The following SCGB2B2 variants were observed in gnomAD, a reference collection of about 807,000 sequenced individuals.
SCGB2B2 encodes secretoglobin-like protein.
In SCGB2B2, 11 loss-of-function variants were observed where a neutral mutation model predicts 7.6. That is an observed-to-expected ratio of 1.45 (90% CI 0.91 to 2.40). The LOEUF is 2.40. Ranked by LOEUF, SCGB2B2 falls within the 30% of genes most tolerant of loss-of-function variation. The probability of loss-of-function intolerance (pLI) is 0.00; values close to 1 mark genes in which losing one functional copy is unlikely to be tolerated. For synonymous variants in SCGB2B2, 50 were observed against 48.6 expected (o/e 1.03, Z -0.12); for missense variants, 104 against 115.4 (o/e 0.90, Z 0.45).
intron 1 of SCGB2B2, among the ~76,000 whole-genome samples, chr19:34,602,929 T>C (rs571669083): frequency 6.6e-6 from 1 of 152,328 alleles, no homozygotes; most frequent in South Asian, 2.1e-4. Context: ...GAATGAACCA[T>C]CATTTTTTAT....
At chr19:34,586,492 AT>A, downstream of SCGB2B2, among the ~76,000 whole-genome samples, 1 of 152,240 alleles carries the variant, frequency 6.6e-6, no homozygotes, top group South Asian at 2.1e-4. Flanking sequence ...GTATAGATTA[AT>A]TTGCTTCATG....
chr19:34,642,493 C>G (rs749262076), intron 1 of SCGB2B2, among the ~76,000 whole-genome samples: 1 of 151,956 alleles, frequency 6.6e-6, no homozygotes, highest in Middle Eastern at 3.2e-3. Context: ...AGGCAGGTGA[C>G]TCACGAGGTC....
chr19:34,587,297 G>A (rs1257845678), downstream of SCGB2B2, among the ~76,000 whole-genome samples: 1 of 152,120 alleles, frequency 6.6e-6, no homozygotes, highest in African/African-American at 2.4e-5. Context: ...GGTATCAAGT[G>A]TCATTACACT....
chr19:34,630,526 C>T (rs182828518), intron 1 of SCGB2B2, among the ~76,000 whole-genome samples: 20 of 152,100 alleles, frequency 1.3e-4, no homozygotes, highest in East Asian at 1.2e-3. Context: ...CTCACCATCA[C>T]TGGCCATCAG....
chr19:34,642,354 T>C (rs1391000352), intron 1 of SCGB2B2, among the ~76,000 whole-genome samples: 1 of 152,082 alleles, frequency 6.6e-6, no homozygotes, highest in East Asian at 1.9e-4. Flanking sequence ...ATGGCACATA[T>C]GTGAGGTTTT....
chr19:34,648,683 G>A (rs1368110590), intron 1 of SCGB2B2, among the ~76,000 whole-genome samples: 2 of 150,542 alleles, frequency 1.3e-5, no homozygotes, highest in South Asian at 2.1e-4. Context: ...TTGTATTAAC[G>A]TTAAAATTTT....
chr19:34,617,166 G>A (rs1448295904), intron 1 of SCGB2B2, among the ~76,000 whole-genome samples: 2 of 152,060 alleles, frequency 1.3e-5, no homozygotes. Flanking sequence ...TTGGCGATGT[G>A]GGCTCTTTTT....
chr19:34,660,964 G>A (rs2067436866), intron 1 of SCGB2B2, among the ~76,000 whole-genome samples: 1 of 152,176 alleles, frequency 6.6e-6, no homozygotes, highest in Admixed American at 6.5e-5. Context: ...ATGAGTGCAT[G>A]TCCTTTGCAG....
rs144255588 is a variant in SCGB2B2, at chr19:34,659,690, T to C, written c.-2032+15940A>G. Among the ~76,000 whole-genome samples the C allele has an allele frequency of 7.5e-4, 114 of 152,248 alleles. No individual in the cohort carries two copies. In the East Asian group the frequency reaches 0.019, roughly 26 times the overall value. On this transcript the variant is annotated intron_variant, in intron 1 of 3. Coordinates refer to ENST00000601241, the MANE Select transcript of SCGB2B2 (RefSeq NM_001025591.4). ...CATGCTCATGGGTAGGAAGAATCAA[T>C]ATCGTGAAAATGGCCATACTGCCCA...
At position 34,654,186 on chromosome 19, in the gene SCGB2B2, CA is replaced by C. The variant is rs879763011; in HGVS notation, c.-2032+21443del. ...ATATATTTCAATAAAGCTATTAAAA[CA>C]AAAAAATTAATTTAATAAACATATA... is the stretch of plus-strand genomic sequence containing the variant. On this transcript the variant is annotated intron_variant, in intron 1 of 3. Transcript: ENST00000601241. Among the ~76,000 whole-genome samples the C allele has an allele frequency of 2.8e-3, 416 of 150,562 alleles. 7 individuals are homozygous for C. Among genetic ancestry groups the C allele is most frequent in the Non-Finnish European group, 4.5e-3 (305 of 67,808 alleles).
intron 1 of SCGB2B2, among the ~76,000 whole-genome samples, chr19:34,598,552 G>A (rs535195855): frequency 6.6e-6 from 1 of 152,178 alleles, no homozygotes; most frequent in Non-Finnish European, 1.5e-5. Flanking sequence ...GGGTGGTGGG[G>A]TCTGGACCCA....
intron 1 of SCGB2B2, among the ~76,000 whole-genome samples, chr19:34,655,902 G>GA (rs969387567): frequency 1.3e-5 from 2 of 151,112 alleles, no homozygotes; most frequent in East Asian, 3.9e-4. Context: ...CTGTAGCCCT[G>GA]AAAAAAACCA....
At chr19:34,609,702 T>C (rs1007052157) in intron 1 of SCGB2B2, among the ~76,000 whole-genome samples, 1 of 152,126 alleles carries the variant, frequency 6.6e-6, no homozygotes, top group African/African-American at 2.4e-5. Context: ...GCCAGTACAA[T>C]ACTATTTTTT....
In SCGB2B2 at chr19:34,675,888, G is replaced by C. The variant is rs147884934; in HGVS notation, c.-2290C>G. 2,423 of 153,224 alleles carry C rather than the reference G, an allele frequency of 0.016. 42 individuals are homozygous for C. Among genetic ancestry groups the C allele is most frequent in the South Asian group, 0.084 (408 of 4,850 alleles). The allele number at this position is 153,224 out of a possible 1,614,324, so 9.5% of individuals were successfully genotyped here. Reference sequence around the variant, plus strand: ...AAAGACGGCGTGTCTGGAGTTGTTCGTTCCTCCCAGTGGGTTTGTGGTCTC... The same window carrying C: ...AAAGACGGCGTGTCTGGAGTTGTTCCTTCCTCCCAGTGGGTTTGTGGTCTC... On this transcript the variant is annotated 5_prime_UTR_variant, in exon 1 of 4. Transcript: ENST00000601241.
At chr19:34,624,639 C>A (rs770278971) in intron 1 of SCGB2B2, among the ~76,000 whole-genome samples, 7 of 152,164 alleles carry the variant, frequency 4.6e-5, no homozygotes, top group Non-Finnish European at 7.3e-5. Context: ...TCCTGGTGGG[C>A]TGTTGGGGAC....
At chr19:34,628,311 C>T (rs1330655094) in intron 1 of SCGB2B2, among the ~76,000 whole-genome samples, 1 of 148,046 alleles carries the variant, frequency 6.8e-6, no homozygotes, top group African/African-American at 2.4e-5. Context: ...AAAAACTCTT[C>T]AAAAAATCAA....
intron 1 of SCGB2B2, among the ~76,000 whole-genome samples, chr19:34,597,749 C>G (rs1288512962): frequency 6.6e-6 from 1 of 152,174 alleles, no homozygotes; most frequent in Non-Finnish European, 1.5e-5. Context: ...TTGGTTTTGC[C>G]CTGTGAGCAG....
chr19:34,633,336 C>T (rs2145959887), intron 1 of SCGB2B2, among the ~76,000 whole-genome samples: 1 of 152,288 alleles, frequency 6.6e-6, no homozygotes, highest in Middle Eastern at 3.4e-3. Context: ...ATGTTGATAG[C>T]AGCTTTATTT....
chr19:34,618,643 A>C (rs1003102401), intron 1 of SCGB2B2, among the ~76,000 whole-genome samples: 1 of 152,220 alleles, frequency 6.6e-6, no homozygotes, highest in Non-Finnish European at 1.5e-5. Context: ...AACAAAAGTC[A>C]TACTCCCATA....
Sources: allele counts gnomAD v4.1 joint callset (sites outside exome capture counted in the v4.1 genomes callset), GRCh38; gene constraint gnomAD v4.1.1; transcripts MANE v1.5; gene names NCBI Gene and HGNC (gene_info 2026-07-23, HGNC 2026-07-21).